Variants in WWOX observed in about 807,000 individuals in gnomAD.
The protein encoded by WWOX is WW domain-containing oxidoreductase.
A neutral mutation model predicts 46.2 loss-of-function variants in WWOX; 69 were observed. The ratio of observed to expected loss-of-function variants is 1.49; its 90% CI spans 1.23 to 1.82. WWOX has a LOEUF of 1.82. Ranked by LOEUF, WWOX falls within the 40% of genes most tolerant of loss-of-function variation. WWOX has a pLI of 0.00. For synonymous variants in WWOX, 359 were observed against 202.6 expected (o/e 1.77, Z -6.56); for missense variants, 919 against 542.6 (o/e 1.69, Z -6.89).
At chr16:78,445,038 C>G (rs1293315787) in intron 8 of WWOX, among the ~76,000 whole-genome samples, 1 of 152,018 alleles carries the variant, frequency 6.6e-6, no homozygotes, top group Non-Finnish European at 1.5e-5. Flanking sequence ...AAACTTGTTG[C>G]TGCATCTCAC....
chr16:78,914,664 G>T (rs968329722), intron 8 of WWOX, among the ~76,000 whole-genome samples: 2 of 151,750 alleles, frequency 1.3e-5, no homozygotes, highest in African/African-American at 4.8e-5. Context: ...CAGATCACGA[G>T]GTCAGGAGAT....
At chr16:78,967,139 T>C (rs1597216198) in intron 8 of WWOX, among the ~76,000 whole-genome samples, 1 of 152,072 alleles carries the variant, frequency 6.6e-6, no homozygotes, top group Non-Finnish European at 1.5e-5. Context: ...CAGCCTGTTT[T>C]CCCAAGTTTA....
At chr16:78,817,258 T>C (rs1353564672) in intron 8 of WWOX, among the ~76,000 whole-genome samples, 2 of 144,992 alleles carry the variant, frequency 1.4e-5, no homozygotes, top group African/African-American at 5.1e-5. Context: ...AACTGCAGTT[T>C]CAAAGTATTG....
chr16:78,254,906 A>AC (rs1414023643), intron 5 of WWOX, among the ~76,000 whole-genome samples: 1 of 151,986 alleles, frequency 6.6e-6, no homozygotes, highest in African/African-American at 2.4e-5. Context: ...GTTGTTGAAA[A>AC]CCCACTGTCT....
intron 8 of WWOX, among the ~76,000 whole-genome samples, chr16:79,006,704 C>G (rs1477302728): frequency 6.6e-6 from 1 of 152,124 alleles, no homozygotes; most frequent in Non-Finnish European, 1.5e-5. Flanking sequence ...TGGGCTTTTT[C>G]TGGAGGCCCT....
At chr16:78,919,402 C>T (rs1024848546) in intron 8 of WWOX, among the ~76,000 whole-genome samples, 12 of 152,072 alleles carry the variant, frequency 7.9e-5, no homozygotes, top group Non-Finnish European at 1.8e-4. Flanking sequence ...TATTTTGCTC[C>T]ATGGTCTAGC....
intron 8 of WWOX, among the ~76,000 whole-genome samples, chr16:79,018,832 A>C (rs2047470057): frequency 6.6e-6 from 1 of 152,202 alleles, no homozygotes; most frequent in East Asian, 1.9e-4. Flanking sequence ...TTCATTATGC[A>C]AATAATGGGG....
At chr16:79,101,506 A>G (rs767117463) in intron 8 of WWOX, 1 of 152,246 alleles carries the variant, frequency 6.6e-6, no homozygotes, top group East Asian at 1.9e-4. Context: ...CTATTCCCAT[A>G]TCCCAGCCTA....
intron 8 of WWOX, among the ~76,000 whole-genome samples, chr16:78,599,239 A>C (rs1349265749): frequency 1.3e-5 from 2 of 152,190 alleles, no homozygotes; most frequent in Admixed American, 6.5e-5. Context: ...CCTTTTGAGA[A>C]AGAGGAAAAT....
chr16:78,552,197 C>T (rs1308613670), intron 8 of WWOX: 1 of 152,196 alleles, frequency 6.6e-6, no homozygotes, highest in Admixed American at 6.5e-5. Context: ...ACTTGATTAA[C>T]CCCATTTCCC....
In WWOX at chr16:78,112,954, C is replaced by T. The variant is rs149309222; in HGVS notation, c.231-2022C>T. Among the ~76,000 whole-genome samples the T allele has an allele frequency of 2.8e-4, 42 of 152,230 alleles. No homozygotes were observed. The East Asian group carries it at 7.9e-3, about 29-fold the overall frequency. ...CTTCTGGCCTTCAGCGATCCTCCTG[C>T]CTTGACTTCCCAAAGCATTCATATT... On this transcript the variant is annotated intron_variant, in intron 3 of 8. Transcript: ENST00000566780.
At chr16:78,339,800 C>A (rs530493821) in intron 5 of WWOX, among the ~76,000 whole-genome samples, 1 of 117,126 alleles carries the variant, frequency 8.5e-6, no homozygotes, top group Non-Finnish European at 2.0e-5. Context: ...CCGCTGTTCT[C>A]TTTCATTTCT....
At chr16:78,894,560 T>A (rs1193034401) in intron 8 of WWOX, among the ~76,000 whole-genome samples, 2 of 152,210 alleles carry the variant, frequency 1.3e-5, no homozygotes, top group Non-Finnish European at 2.9e-5. Flanking sequence ...CTGATTCTAA[T>A]TTTCAACTGG....
At chr16:78,921,042 G>T (rs2045366581) in intron 8 of WWOX, among the ~76,000 whole-genome samples, 1 of 152,008 alleles carries the variant, frequency 6.6e-6, no homozygotes, top group African/African-American at 2.4e-5. Context: ...TCCAATATAG[G>T]TCACATTTCC....
intron 8 of WWOX, among the ~76,000 whole-genome samples, chr16:79,109,367 C>T (rs1324911065): frequency 1.3e-5 from 2 of 152,076 alleles, no homozygotes; most frequent in Non-Finnish European, 2.9e-5. Flanking sequence ...ACTAGCTAAG[C>T]TGAAATAAGA....
intron 5 of WWOX, among the ~76,000 whole-genome samples, chr16:78,327,919 C>A (rs1685631442): frequency 7.5e-6 from 1 of 134,142 alleles, no homozygotes; most frequent in South Asian, 2.5e-4. Context: ...TTCTGTTGCC[C>A]AGGCTGGAGT....
chr16:78,720,494 T>G (rs2048664124), intron 8 of WWOX, among the ~76,000 whole-genome samples: 1 of 151,946 alleles, frequency 6.6e-6, no homozygotes, highest in Non-Finnish European at 1.5e-5. Flanking sequence ...TATGACACTT[T>G]TCTTCTGGAA....
intron 8 of WWOX, among the ~76,000 whole-genome samples, chr16:79,144,413 C>G (rs1312412500): frequency 6.6e-6 from 1 of 152,172 alleles, no homozygotes; most frequent in East Asian, 1.9e-4. Flanking sequence ...ATAGCTGCTG[C>G]TTATCTCCTT....
intron 8 of WWOX, among the ~76,000 whole-genome samples, chr16:78,808,732 C>A (rs150613009): frequency 1.6e-4 from 24 of 152,132 alleles, no homozygotes; most frequent in Middle Eastern, 3.2e-3. Flanking sequence ...TAATATCCTA[C>A]GTCAAAGATG....
Sources: allele counts gnomAD v4.1 joint callset (sites outside exome capture counted in the v4.1 genomes callset), GRCh38; gene constraint gnomAD v4.1.1; transcripts MANE v1.5; gene names NCBI Gene and HGNC (gene_info 2026-07-23, HGNC 2026-07-21).